Variants in SRGN observed in about 807,000 individuals in gnomAD.
SRGN encodes serglycin.
In SRGN, 2 loss-of-function variants were observed where a neutral mutation model predicts 9.5. The observed-to-expected ratio is 0.21, with a 90% CI of 0.09 to 0.66. The LOEUF (loss-of-function observed/expected upper bound fraction) is 0.66, where lower values mean the gene tolerates loss of function less well. SRGN is among the 30% of genes least tolerant of loss of function. The probability of loss-of-function intolerance (pLI) is 0.83; values close to 1 mark genes in which losing one functional copy is unlikely to be tolerated. For missense variants in SRGN, 170 were observed against 192.4 expected (o/e 0.88, Z 0.69); for synonymous variants, 59 against 72.3 (o/e 0.82, Z 0.93).
At chr10:69,100,679 T>C (rs1049294038) in intron 2 of SRGN, among the ~76,000 whole-genome samples, 1 of 152,112 alleles carries the variant, frequency 6.6e-6, no homozygotes, top group Admixed American at 6.6e-5. Flanking sequence ...CTGCTCTGTA[T>C]TGGCTGTGGG....
Position 69,104,345 on chromosome 10 carries a change from C to A in SRGN, c.*225C>A, listed in dbSNP as rs1355571978. 4 of 376,586 alleles carry A rather than the reference C, an allele frequency of 1.1e-5. No homozygotes were observed. Among genetic ancestry groups the A allele is most frequent in the Non-Finnish European group, 9.1e-6 (2 of 220,486 alleles). The allele number at this position is 376,586 out of a possible 1,614,324, so 23.3% of individuals were successfully genotyped here. A position where few individuals can be genotyped will look rare whatever the true frequency, so the allele number is the denominator to read the frequency against. ...TGAAAATACCTGCATTTTTTGGTATCATGTTCAACCAACATCATTATGAAA... is the reference window on the plus strand; with the variant it reads ...TGAAAATACCTGCATTTTTTGGTATAATGTTCAACCAACATCATTATGAAA... On this transcript the variant is annotated 3_prime_UTR_variant, in exon 3 of 3. Coordinates refer to ENST00000242465, the MANE Select transcript of SRGN (RefSeq NM_002727.4).
intron 1 of SRGN, among the ~76,000 whole-genome samples, chr10:69,092,043 A>G (rs1199227984): frequency 6.6e-6 from 1 of 151,964 alleles, no homozygotes; most frequent in Non-Finnish European, 1.5e-5. Context: ...ACTCATAGAA[A>G]GTATTTTGGT....
At chr10:69,102,000 G>C (rs1490500700) in intron 2 of SRGN, among the ~76,000 whole-genome samples, 1 of 151,990 alleles carries the variant, frequency 6.6e-6, no homozygotes, top group Non-Finnish European at 1.5e-5. Flanking sequence ...AGTGAGCCAT[G>C]ATCACGCCAC....
rs779420151 is a variant in SRGN, at chr10:69,097,077, C to T, written c.80-7C>T. Reference sequence around the variant, plus strand: ...ATACTTAGTAACAATGTGGGTTCCTCGGGCAGGTTATCCTACGCGGAGAGC... The same window carrying T: ...ATACTTAGTAACAATGTGGGTTCCTTGGGCAGGTTATCCTACGCGGAGAGC... On this transcript the variant is annotated splice_region_variant and splice_polypyrimidine_tract_variant and intron_variant, in intron 1 of 2. Coordinates refer to ENST00000242465, the MANE Select transcript of SRGN (RefSeq NM_002727.4). 1 of 1,612,926 alleles carries T rather than the reference C, an allele frequency of 6.2e-7. No individual in the cohort carries two copies. Among genetic ancestry groups the T allele is most frequent in the Admixed American group, 1.7e-5 (1 of 59,774 alleles).
chr10:69,104,309 T>C lies in SRGN; in HGVS notation c.*189T>C, dbSNP rs12437. 0.85 allele frequency: 566,495 copies of C among 667,408 alleles called. 243,599 individuals are homozygous for C. The highest frequency in any genetic ancestry group is 0.89 in the Non-Finnish European group (395,776 of 444,086). The allele number at this position is 667,408 out of a possible 1,614,324, so 41.3% of individuals were successfully genotyped here. Reference sequence around the variant, plus strand: ...ATTATGCTTTAATGCTGTTATCTATTTTATTGTTCTTGAAAATACCTGCAT... The same window carrying C: ...ATTATGCTTTAATGCTGTTATCTATCTTATTGTTCTTGAAAATACCTGCAT... On this transcript the variant is annotated 3_prime_UTR_variant, in exon 3 of 3. Coordinates refer to ENST00000242465, the MANE Select transcript of SRGN (RefSeq NM_002727.4).
rs1840349527 is a variant in SRGN at position 69,104,125 on chromosome 10, G to A, written c.*5G>A. 1.2e-6 allele frequency: 2 copies of A among 1,610,030 alleles called. No homozygotes were observed. The highest frequency in any genetic ancestry group is 1.7e-6 in the Non-Finnish European group (2 of 1,176,806). On this transcript the variant is annotated 3_prime_UTR_variant, in exon 3 of 3. Transcript: ENST00000242465. ...GAAGAGGATTTTATGTTATAAAAGA[G>A]GATTTTCCCACCTTGACACCAGGCA...
chr10:69,088,092 A>G, upstream of SRGN: 1 of 1,367,118 alleles, frequency 7.3e-7, no homozygotes, highest in Non-Finnish European at 1.0e-6. Flanking sequence ...AGGGACAGAG[A>G]GCACCCTGCT....
At chr10:69,089,503 T>G (rs1475187904) in intron 1 of SRGN, among the ~76,000 whole-genome samples, 4 of 152,222 alleles carry the variant, frequency 2.6e-5, no homozygotes, top group African/African-American at 9.6e-5. Context: ...TAAGTCTTTA[T>G]GTTGTCAAAA....
At chr10:69,102,175 G>A (rs1840306170) in intron 2 of SRGN, among the ~76,000 whole-genome samples, 2 of 151,898 alleles carry the variant, frequency 1.3e-5, no homozygotes, top group Non-Finnish European at 2.9e-5. Flanking sequence ...TATTTAACAT[G>A]TTGGTGTGAC....
At chr10:69,103,841 T>C in intron 2 of SRGN, 30 bp from the exon 3 acceptor site, 1 of 1,607,236 alleles carries the variant, frequency 6.2e-7, no homozygotes, top group Non-Finnish European at 8.5e-7. Context: ...ACTCCACTGG[T>C]TTTTTTCCCA....
chr10:69,096,146 CA>C (rs1012604685), intron 1 of SRGN, among the ~76,000 whole-genome samples: 2 of 152,110 alleles, frequency 1.3e-5, no homozygotes, highest in African/African-American at 4.8e-5. Flanking sequence ...CCCTAAAACA[CA>C]AGAACTAGAA....
chr10:69,103,108 T>A (rs1412874304), intron 2 of SRGN, among the ~76,000 whole-genome samples: 1 of 151,992 alleles, frequency 6.6e-6, no homozygotes, highest in Non-Finnish European at 1.5e-5. Context: ...CTTGGCTAAT[T>A]TTTGTATTTT....
intron 1 of SRGN, among the ~76,000 whole-genome samples, chr10:69,091,909 G>GAAAAAAAAAAA (rs1208815472): frequency 3.2e-5 from 2 of 62,024 alleles, no homozygotes; most frequent in African/African-American, 5.4e-5. Flanking sequence ...AAAAAAAAAA[G>GAAAAAAAAAAA]AAAAAGAAAA....
intron 1 of SRGN, 30 bp downstream of exon 1, chr10:69,088,266 A>G: frequency 1.2e-5 from 19 of 1,573,286 alleles, no homozygotes; most frequent in Non-Finnish European, 1.7e-5. Flanking sequence ...TTCCCCAGCC[A>G]TCTTCTCTGT....
chr10:69,090,566 C>A (rs1312709575), intron 1 of SRGN, among the ~76,000 whole-genome samples: 1 of 152,120 alleles, frequency 6.6e-6, no homozygotes, highest in Admixed American at 6.6e-5. Context: ...TCCATGCATC[C>A]GTGTCTTAAT....
chr10:69,088,130 C>A lies in SRGN; in HGVS notation c.-28C>A, dbSNP rs1422394946. ...ATTTCCTAATCAAGAAGTTGGCGTG[C>A]AGCTGGGAGAGCTAGACTAAGTTGG... On this transcript the variant is annotated 5_prime_UTR_variant, in exon 1 of 3. Coordinates refer to ENST00000242465, the MANE Select transcript of SRGN (RefSeq NM_002727.4). The A allele has an allele frequency of 3.7e-6, 6 of 1,602,108 alleles. No homozygotes were observed. The highest frequency in any genetic ancestry group is 5.1e-6 in the Non-Finnish European group (6 of 1,169,406).
At chr10:69,089,772 T>C (rs1389117185) in intron 1 of SRGN, among the ~76,000 whole-genome samples, 1 of 152,088 alleles carries the variant, frequency 6.6e-6, no homozygotes, top group East Asian at 1.9e-4. Context: ...GGCACACACC[T>C]GTCATCCCAG....
At chr10:69,092,309 A>T (rs2132153947) in intron 1 of SRGN, among the ~76,000 whole-genome samples, 1 of 152,344 alleles carries the variant, frequency 6.6e-6, no homozygotes, top group Admixed American at 6.5e-5. Context: ...AACACCCTTG[A>T]ATAGCTATGT....
chr10:69,090,130 T>C (rs1030085101), intron 1 of SRGN, among the ~76,000 whole-genome samples: 1 of 152,160 alleles, frequency 6.6e-6, no homozygotes, highest in Non-Finnish European at 1.5e-5. Flanking sequence ...CATCTGAGCA[T>C]GCAGGGAAAT....
Sources: allele counts gnomAD v4.1 joint callset (sites outside exome capture counted in the v4.1 genomes callset), GRCh38; gene constraint gnomAD v4.1.1; transcripts MANE v1.5; gene names NCBI Gene and HGNC (gene_info 2026-07-23, HGNC 2026-07-21).